MTCL1: variants seen among roughly 807,000 people sequenced by gnomAD.
MTCL1 encodes microtubule crosslinking factor 1, also known as microtubule cross-linking factor 1.
A neutral mutation model predicts 141.4 loss-of-function variants in MTCL1; 79 were observed. The ratio of observed to expected loss-of-function variants is 0.56; its 90% CI spans 0.47 to 0.67. The LOEUF is 0.67. Ranked by LOEUF, MTCL1 falls within the 30% of genes least tolerant of loss-of-function variation. The probability of loss-of-function intolerance (pLI) is 0.00; values close to 1 mark genes in which losing one functional copy is unlikely to be tolerated. For synonymous variants in MTCL1, 914 were observed against 875.8 expected (o/e 1.04, Z -0.77); for missense variants, 2,177 against 2,113.9 (o/e 1.03, Z -0.59).
At chr18:8,774,205 T>C (rs2096495922) in intron 4 of MTCL1, among the ~76,000 whole-genome samples, 1 of 152,158 alleles carries the variant, frequency 6.6e-6, no homozygotes. Context: ...TTTGAATTAC[T>C]TTGTCCATTC....
chr18:8,832,166 C>T, exon 17 of MTCL1: 1 of 219,528 alleles, frequency 4.6e-6, no homozygotes, highest in Non-Finnish European at 9.1e-6. Context: ...CAATACCTGA[C>T]TGCCTCTGTT....
chr18:8,808,783 C>G (rs2076385603), intron 11 of MTCL1, among the ~76,000 whole-genome samples: 1 of 152,238 alleles, frequency 6.6e-6, no homozygotes, highest in Non-Finnish European at 1.5e-5. Context: ...GAACATCCAG[C>G]AACAAATCAG....
At chr18:8,737,493 T>C (rs1165898850) in intron 4 of MTCL1, among the ~76,000 whole-genome samples, 1 of 152,232 alleles carries the variant, frequency 6.6e-6, no homozygotes, top group Non-Finnish European at 1.5e-5. Flanking sequence ...GGGTCTGGGC[T>C]GGCCATCAGG....
chr18:8,706,053 G>A (rs1598333670), exon 1 of MTCL1: 1 of 1,187,936 alleles, frequency 8.4e-7, no homozygotes, highest in Non-Finnish European at 1.0e-6. Context: ...GAAGCAGGAG[G>A]GCGGCGCGCG....
At chr18:8,715,275 C>T (rs574302989), upstream of MTCL1, among the ~76,000 whole-genome samples, 2 of 152,292 alleles carry the variant, frequency 1.3e-5, no homozygotes, top group African/African-American at 4.8e-5. Flanking sequence ...GATGTGGGCT[C>T]TCCAGTTGCA....
At chr18:8,706,347 C>A in exon 1 of MTCL1, 3 of 1,230,540 alleles carry the variant, frequency 2.4e-6, no homozygotes, top group Non-Finnish European at 3.0e-6. Context: ...TGCTCCCTGC[C>A]GCCAGCAGCG....
chr18:8,737,938 A>G (rs1398216225), intron 4 of MTCL1, among the ~76,000 whole-genome samples: 3 of 152,178 alleles, frequency 2.0e-5, no homozygotes, highest in Non-Finnish European at 2.9e-5. Context: ...GGCAGCCATC[A>G]TGTCAGTCTC....
At chr18:8,786,371 T>C (rs1463133151) in intron 7 of MTCL1, 2 of 644,070 alleles carry the variant, frequency 3.1e-6, no homozygotes, top group Non-Finnish European at 2.9e-6. Context: ...CACCTGGAAG[T>C]AGGCTGATTG....
intron 4 of MTCL1, among the ~76,000 whole-genome samples, chr18:8,751,378 C>T (rs1007358556): frequency 2.0e-4 from 31 of 152,106 alleles, no homozygotes; most frequent in African/African-American, 7.0e-4. Context: ...AGGAGTGAAA[C>T]GCGATGCTTG....
chr18:8,751,791 G>T (rs1333532413), intron 4 of MTCL1, among the ~76,000 whole-genome samples: 2 of 152,186 alleles, frequency 1.3e-5, no homozygotes, highest in African/African-American at 4.8e-5. Context: ...ACTAGACGAG[G>T]TTAGAAATGC....
rs185688465 is a variant in MTCL1, at chr18:8,821,023, T to C, written c.3157-444T>C. Among the ~76,000 whole-genome samples, 18 of 152,300 alleles carry C rather than the reference T, an allele frequency of 1.2e-4. No homozygotes were observed. The East Asian group carries it at 3.5e-3, about 29-fold the overall frequency. On this transcript the variant is annotated intron_variant, in intron 13 of 16. Coordinates refer to ENST00000359865, the Ensembl canonical transcript of MTCL1. ...TGTCACGCCAACTTCTACAGCAAGATCGGGACCACTAACGTTACTCTATCA... is the reference window on the plus strand; with the variant it reads ...TGTCACGCCAACTTCTACAGCAAGACCGGGACCACTAACGTTACTCTATCA...
chr18:8,824,700 G>A, exon 15 of MTCL1: 3 of 1,607,842 alleles, frequency 1.9e-6, no homozygotes, highest in Non-Finnish European at 2.5e-6. Context: ...TTTTCCCAGG[G>A]CGGTGTCCGT....
intron 4 of MTCL1, among the ~76,000 whole-genome samples, chr18:8,748,107 C>T (rs1028174927): frequency 5.9e-5 from 9 of 152,122 alleles, no homozygotes; most frequent in African/African-American, 1.4e-4. Context: ...CCTGTCAGCT[C>T]TCTCCCTCAC....
chr18:8,818,981 C>T, exon 13 of MTCL1: 1 of 1,613,644 alleles, frequency 6.2e-7, no homozygotes, highest in Non-Finnish European at 8.5e-7. Context: ...AGAGAACAGT[C>T]CCCGGAGAGG....
intron 10 of MTCL1, among the ~76,000 whole-genome samples, chr18:8,799,094 G>C (rs561701): frequency 0.63 from 95,943 of 152,140 alleles, 30,980 homozygotes; most frequent in Admixed American, 0.73. Context: ...GGGCGCAGGG[G>C]CAGGTGGCCA....
chr18:8,791,348 G>A (rs1568045127), intron 7 of MTCL1, among the ~76,000 whole-genome samples: 1 of 151,656 alleles, frequency 6.6e-6, no homozygotes, highest in South Asian at 2.1e-4. Flanking sequence ...TTTGGTCCGG[G>A]AATCCCCAAA....
intron 9 of MTCL1, among the ~76,000 whole-genome samples, chr18:8,797,263 C>G (rs2075958785): frequency 6.6e-6 from 1 of 152,212 alleles, no homozygotes; most frequent in African/African-American, 2.4e-5. Context: ...GGAAGCCTGT[C>G]CTGCCCACAC....
upstream of MTCL1, among the ~76,000 whole-genome samples, chr18:8,715,884 G>C (rs55939884): frequency 6.6e-6 from 1 of 152,126 alleles, no homozygotes; most frequent in South Asian, 2.1e-4. Flanking sequence ...TTTGCAGAAG[G>C]TTGTCAAGCA....
intron 3 of MTCL1, chr18:8,720,121 A>G: frequency 1.9e-6 from 1 of 519,356 alleles, no homozygotes; most frequent in Non-Finnish European, 3.4e-6. Context: ...ATGCACCACC[A>G]TCAGACCAGC....
Sources: allele counts gnomAD v4.1 joint callset (sites outside exome capture counted in the v4.1 genomes callset), GRCh38; gene constraint gnomAD v4.1.1; transcripts MANE v1.5; gene names NCBI Gene and HGNC (gene_info 2026-07-23, HGNC 2026-07-21).